Variants in TARS3 observed in about 807,000 individuals in gnomAD.
The protein encoded by TARS3 is threonyl-tRNA synthetase 3.
TARS3 carries 94 observed loss-of-function variants against 103.5 expected under a neutral mutation model. The observed-to-expected ratio is 0.91, with a 90% CI of 0.77 to 1.08. The LOEUF (loss-of-function observed/expected upper bound fraction) is 1.08. Among genes scored for constraint, TARS3 ranks in the 50% least tolerant of loss-of-function variants. The pLI, the probability that TARS3 is intolerant of heterozygous loss-of-function variation, is 0.00. For synonymous variants in TARS3, 416 were observed against 355.4 expected, an observed-to-expected ratio of 1.17 and a Z score of -1.92; for missense variants, 952 against 995.2, an observed-to-expected ratio of 0.96 and a Z score of 0.58.
At chr15:101,674,615 G>C (rs1010908348) in intron 13 of TARS3, among the ~76,000 whole-genome samples, 1 of 151,980 alleles carries the variant, frequency 6.6e-6, no homozygotes, top group African/African-American at 2.4e-5. Context: ...GACCATCCTG[G>C]CTAACACGGT....
At chr15:101,703,080 T>C (rs1213046714) in intron 8 of TARS3, among the ~76,000 whole-genome samples, 1 of 152,190 alleles carries the variant, frequency 6.6e-6, no homozygotes, top group Admixed American at 6.5e-5. Flanking sequence ...AGCCCCATTT[T>C]ACCTGTAAGA....
chr15:101,682,376 A>G (rs577283860), intron 12 of TARS3, among the ~76,000 whole-genome samples: 1 of 152,230 alleles, frequency 6.6e-6, no homozygotes, highest in South Asian at 2.1e-4. Context: ...GCATCTACTG[A>G]GAAGATAATA....
chr15:101,675,887 C>G (rs1370123859), intron 12 of TARS3, 150 bp from the exon 13 acceptor site: 15 of 861,664 alleles, frequency 1.7e-5, no homozygotes, highest in Admixed American at 2.8e-5. Context: ...CAATCCTGAG[C>G]TGAACCTTCG....
Position 101,690,931 on chromosome 15 carries a change from T to C in TARS3, c.1321-4869A>G, listed in dbSNP as rs142186280. ...ACATTTCCTTCAGCAATGAAAATTA[T>C]TTAATGGGTATCAATCTTTTTTTTT... On this transcript the variant is annotated intron_variant, in intron 10 of 18. Coordinates refer to ENST00000335968, the MANE Select transcript of TARS3 (RefSeq NM_152334.3). 5.4e-3 allele frequency among the ~76,000 whole-genome samples: 820 copies of C among 152,310 alleles called. 11 individuals are homozygous for C. Among genetic ancestry groups the C allele is most frequent in the Admixed American group, 0.011 (168 of 15,300 alleles).
intron 15 of TARS3, 103 bp downstream of exon 15, chr15:101,671,383 A>G (rs1189513315): frequency 1.2e-6 from 1 of 839,908 alleles, no homozygotes; most frequent in Non-Finnish European, 1.9e-6. Context: ...TGTATAGCAC[A>G]TATACTAGAC....
intron 12 of TARS3, among the ~76,000 whole-genome samples, chr15:101,675,942 GGGAACCGTACTGTGAAAAGGCAGCGCCGC>G (rs375086945): frequency 0.017 from 2,614 of 152,310 alleles, 47 homozygotes; most frequent in African/African-American, 0.046. Flanking sequence ...GAGTAGGCGA[GGGAACCGTACTGTGAAAAGGCAGCGCCGC>G]GCACAGGAGA....
At chr15:101,658,161 C>T (rs539299800) in intron 16 of TARS3, among the ~76,000 whole-genome samples, 44 of 152,186 alleles carry the variant, frequency 2.9e-4, no homozygotes, top group African/African-American at 8.7e-4. Flanking sequence ...GAAATGAAAG[C>T]GCAGGTTCAC....
rs558619516 is a variant in TARS3, at chr15:101,675,466, C to T, written c.1788+134G>A. ...TAATGGGATAACCACATTCTACAAC[C>T]TATATATCTATCTCATAATTTCCAG... On this transcript the variant is annotated intron_variant, in intron 13 of 18. Transcript: ENST00000335968. 5 of 782,212 alleles carry T rather than the reference C, an allele frequency of 6.4e-6. No individual in the cohort carries two copies. In the East Asian group the frequency reaches 1.2e-4, roughly 19 times the overall value. The allele number at this position is 782,212 out of a possible 1,614,324, so 48.5% of individuals were successfully genotyped here.
intron 10 of TARS3, among the ~76,000 whole-genome samples, chr15:101,697,454 C>G (rs1899036405): frequency 6.6e-6 from 1 of 152,168 alleles, no homozygotes; most frequent in Non-Finnish European, 1.5e-5. Flanking sequence ...TAGAAAATGA[C>G]AGCCGATTTT....
chr15:101,703,943 A>G lies in TARS3; in HGVS notation c.996-6T>C. ...GGTCAATTAATGGACCGCACCTATAATGAAATATTTAGGACATGCTCAGGC... is the reference window on the plus strand; with the variant it reads ...GGTCAATTAATGGACCGCACCTATAGTGAAATATTTAGGACATGCTCAGGC... On this transcript the variant is annotated splice_region_variant and splice_polypyrimidine_tract_variant and intron_variant, in intron 7 of 18. Coordinates refer to ENST00000335968, the MANE Select transcript of TARS3 (RefSeq NM_152334.3). 9 of 1,601,050 alleles carry G rather than the reference A, an allele frequency of 5.6e-6. No individual in the cohort carries two copies. The highest frequency in any genetic ancestry group is 5.1e-6 in the Non-Finnish European group (6 of 1,168,498).
chr15:101,715,058 A>C, intron 3 of TARS3, 95 bp from the exon 4 acceptor site: 2 of 1,236,798 alleles, frequency 1.6e-6, no homozygotes, highest in East Asian at 5.1e-5. Context: ...TTTTTTTTGA[A>C]GTGTATAAAA....
intron 10 of TARS3, among the ~76,000 whole-genome samples, chr15:101,688,312 G>A (rs910878528): frequency 6.6e-6 from 1 of 152,080 alleles, no homozygotes; most frequent in Admixed American, 6.6e-5. Context: ...AAAAGTTGGG[G>A]AGTAAAATAT....
At chr15:101,690,057 A>G in intron 10 of TARS3, among the ~76,000 whole-genome samples, 1 of 152,358 alleles carries the variant, frequency 6.6e-6, no homozygotes, top group South Asian at 2.1e-4. Context: ...AAATGACATC[A>G]CCACATGATG....
In TARS3 at chr15:101,723,086, A is replaced by T; in HGVS notation, c.369+7T>A. On this transcript the variant is annotated splice_region_variant and intron_variant, in intron 2 of 18. Coordinates refer to ENST00000335968, the MANE Select transcript of TARS3 (RefSeq NM_152334.3). ...TATTTTATATTGTTTCCACAGCAACAACTTACCTCGCTGTCAGCCTCGCTT... is the reference window on the plus strand; with the variant it reads ...TATTTTATATTGTTTCCACAGCAACTACTTACCTCGCTGTCAGCCTCGCTT... The T allele has an allele frequency of 6.2e-7, 1 of 1,613,774 alleles. No individual in the cohort carries two copies. The highest frequency in any genetic ancestry group is 8.5e-7 in the Non-Finnish European group (1 of 1,179,644).
chr15:101,707,435 C>G (rs899284690), intron 6 of TARS3, among the ~76,000 whole-genome samples: 3 of 152,152 alleles, frequency 2.0e-5, no homozygotes, highest in Non-Finnish European at 4.4e-5. Flanking sequence ...GCAGAAGCAA[C>G]CCAAGTGTTT....
chr15:101,697,259 T>C (rs367937493), intron 10 of TARS3, among the ~76,000 whole-genome samples: 5 of 152,160 alleles, frequency 3.3e-5, no homozygotes, highest in African/African-American at 1.2e-4. Flanking sequence ...ATTCTTCAGT[T>C]GACATAACAA....
chr15:101,659,274 T>C (rs1181859593), intron 16 of TARS3, among the ~76,000 whole-genome samples: 1 of 152,216 alleles, frequency 6.6e-6, no homozygotes, highest in Non-Finnish European at 1.5e-5. Context: ...CTATTTCAGA[T>C]AGCATTTTAT....
rs142965529 is a variant in TARS3, at chr15:101,708,823, G to C, written c.900C>G (p.Val300=). 3.1e-6 allele frequency: 5 copies of C among 1,613,312 alleles called. No individual in the cohort carries two copies. The African/African-American group carries it at 6.7e-5, about 22-fold the overall frequency. ...ACATTTCCAGGAGGATTTCCTTGCT[G>C]ACTTCTAGTCTTTCAAAAGGTTGCT... The part of the protein sequence containing the change: ...KEKQPFERLE[V]SKEILLEMFK... Residue 300 remains valine, a synonymous_variant, in exon 6 of 19, where the codon GTC becomes GTG. Transcript: ENST00000335968.
chr15:101,677,515 T>TTG (rs397694884), intron 12 of TARS3, among the ~76,000 whole-genome samples: 1 of 151,562 alleles, frequency 6.6e-6, no homozygotes, highest in African/African-American at 2.4e-5. Context: ...TTTTTTTTTT[T>TTG]GAGACGGAGT....
Sources: allele counts gnomAD v4.1 joint callset (sites outside exome capture counted in the v4.1 genomes callset), GRCh38; gene constraint gnomAD v4.1.1; transcripts MANE v1.5; gene names NCBI Gene and HGNC (gene_info 2026-07-23, HGNC 2026-07-21).